The following FLVCR2 variants were observed in gnomAD, a reference collection of about 807,000 sequenced individuals.
FLVCR2 encodes choline/ethanolamine transporter FLVCR2.
In FLVCR2, 38 loss-of-function variants were observed where a neutral mutation model predicts 48.9. The observed-to-expected ratio is 0.78, with a 90% CI of 0.60 to 1.02. FLVCR2 has a LOEUF of 1.02. Ranked by LOEUF, FLVCR2 falls within the 50% of genes least tolerant of loss-of-function variation. FLVCR2 has a pLI of 0.00. For missense variants in FLVCR2, 664 were observed against 663.3 expected, an observed-to-expected ratio of 1.00 and a Z score of -0.01; for synonymous variants, 255 against 257.0, an observed-to-expected ratio of 0.99 and a Z score of 0.07.
intron 3 of FLVCR2, chr14:75,632,559 C>A (rs1402759468): frequency 2.9e-6 from 2 of 697,886 alleles, no homozygotes; most frequent in African/African-American, 3.5e-5. Context: ...GCACCTTAGC[C>A]ATCATCTGAA....
At chr14:75,627,989 A>G (rs1337461910) in intron 3 of FLVCR2, among the ~76,000 whole-genome samples, 1 of 152,258 alleles carries the variant, frequency 6.6e-6, no homozygotes, top group East Asian at 1.9e-4. Context: ...TTTATACATG[A>G]GGAAACTGAG....
At chr14:75,580,495 T>C (rs1444995220) in intron 1 of FLVCR2, among the ~76,000 whole-genome samples, 3 of 152,238 alleles carry the variant, frequency 2.0e-5, no homozygotes, top group African/African-American at 7.2e-5. Context: ...GGATTGGTAA[T>C]CCTGTCTCAC....
chr14:75,599,037 C>T (rs555073676), intron 1 of FLVCR2, among the ~76,000 whole-genome samples: 14 of 152,250 alleles, frequency 9.2e-5, no homozygotes, highest in Admixed American at 3.9e-4. Flanking sequence ...AGCTCCAGGC[C>T]CTCATTTTCC....
chr14:75,585,405 A>G (rs913849034), intron 1 of FLVCR2, among the ~76,000 whole-genome samples: 1 of 152,190 alleles, frequency 6.6e-6, no homozygotes, highest in Non-Finnish European at 1.5e-5. Context: ...ATTGCAGAAG[A>G]AAATAAGGCT....
At chr14:75,579,934 CT>C (rs1888554324) in intron 1 of FLVCR2, among the ~76,000 whole-genome samples, 1 of 152,238 alleles carries the variant, frequency 6.6e-6, no homozygotes, top group Non-Finnish European at 1.5e-5. Flanking sequence ...CAACTTAGAC[CT>C]GTAATTTCAG....
intron 1 of FLVCR2, among the ~76,000 whole-genome samples, chr14:75,597,698 T>A (rs2140014749): frequency 6.6e-6 from 1 of 152,182 alleles, no homozygotes; most frequent in South Asian, 2.1e-4. Flanking sequence ...GCCTCCTGAG[T>A]AGCTGGGATT....
intron 3 of FLVCR2, among the ~76,000 whole-genome samples, chr14:75,630,528 C>A (rs1049240880): frequency 6.6e-6 from 1 of 152,066 alleles, no homozygotes; most frequent in African/African-American, 2.4e-5. Flanking sequence ...TTAAGGAATT[C>A]TAATGTCAGT....
intron 1 of FLVCR2, 167 bp from the exon 2 acceptor site, chr14:75,621,912 C>A (rs1889776729): frequency 5.1e-6 from 4 of 791,986 alleles, no homozygotes; most frequent in South Asian, 1.4e-5. Flanking sequence ...AAATGTCAGT[C>A]AGAAGAAAGA....
At chr14:75,631,202 T>A (rs965466070) in intron 3 of FLVCR2, among the ~76,000 whole-genome samples, 18 of 152,190 alleles carry the variant, frequency 1.2e-4, no homozygotes, top group African/African-American at 4.3e-4. Flanking sequence ...CTCGCCGCCC[T>A]TTAGCCCCGC....
At position 75,633,889 on chromosome 14, in the gene FLVCR2, G is replaced by C. The variant is rs189794315; in HGVS notation, c.1020+193G>C. On this transcript the variant is annotated intron_variant, in intron 4 of 9. Transcript: ENST00000238667. The stretch of plus-strand genomic sequence containing the variant: ...TAGCTTTGGTGTTACTAAACTGTGT[G>C]ATGGCTTGACAGTGTGACAAGCTAG... 1.5e-3 allele frequency among the ~76,000 whole-genome samples: 222 copies of C among 152,014 alleles called. 1 individual carries two copies. Among genetic ancestry groups the C allele is most frequent in the Non-Finnish European group, 2.1e-4 (14 of 67,986 alleles).
intron 1 of FLVCR2, among the ~76,000 whole-genome samples, chr14:75,584,219 G>A (rs1285983022): frequency 1.3e-5 from 2 of 152,218 alleles, no homozygotes; most frequent in Non-Finnish European, 1.5e-5. Flanking sequence ...TGCTGGAGAC[G>A]TGGTTGTGGG....
At chr14:75,639,206 G>A (rs1890241838) in intron 5 of FLVCR2, 146 bp from the exon 6 acceptor site, 1 of 696,692 alleles carries the variant, frequency 1.4e-6, no homozygotes, top group South Asian at 1.5e-5. Flanking sequence ...GCAAGACACT[G>A]TCTCTGAAAA....
intron 1 of FLVCR2, among the ~76,000 whole-genome samples, chr14:75,599,806 T>C (rs1817706953): frequency 6.6e-6 from 1 of 152,230 alleles, no homozygotes; most frequent in Non-Finnish European, 1.5e-5. Flanking sequence ...TAAACCCTTG[T>C]GTATGTGGTC....
intron 5 of FLVCR2, among the ~76,000 whole-genome samples, chr14:75,636,991 A>G (rs1890180415): frequency 6.6e-6 from 1 of 152,222 alleles, no homozygotes; most frequent in African/African-American, 2.4e-5. Context: ...GAGGAGCGTG[A>G]AGGGAGGAGG....
chr14:75,610,318 A>T (rs960064323), intron 1 of FLVCR2, among the ~76,000 whole-genome samples: 1 of 152,228 alleles, frequency 6.6e-6, no homozygotes, highest in Non-Finnish European at 1.5e-5. Flanking sequence ...CACCATGAGG[A>T]CAACTTCAAG....
At chr14:75,621,910 G>A (rs1289928032) in intron 1 of FLVCR2, 169 bp from the exon 2 acceptor site, 1 of 786,124 alleles carries the variant, frequency 1.3e-6, no homozygotes, top group African/African-American at 1.7e-5. Flanking sequence ...CAAAATGTCA[G>A]TCAGAAGAAA....
rs554703800 is a variant in FLVCR2 at position 75,590,924 on chromosome 14, A to T, written c.669+11283A>T. On this transcript the variant is annotated intron_variant, in intron 1 of 9. Coordinates refer to ENST00000238667, the MANE Select transcript of FLVCR2 (RefSeq NM_017791.3). ...GAATAATACACTTGTTTCAGCATCA[A>T]CTCAAATGTCCAAAGTCCAAAACTG... 6.6e-5 allele frequency among the ~76,000 whole-genome samples: 10 copies of T among 152,334 alleles called. No homozygotes were observed. In the East Asian group the frequency reaches 1.9e-3, roughly 29 times the overall value.
Position 75,633,639 on chromosome 14 carries a change from T to C in FLVCR2, c.963T>C (p.Ala321=), listed in dbSNP as rs1042139499. 1 of 1,614,060 alleles carries C rather than the reference T, an allele frequency of 6.2e-7. No homozygotes were observed. Among genetic ancestry groups the C allele is most frequent in the Non-Finnish European group, 8.5e-7 (1 of 1,179,884 alleles). ...VLLVITYGLN[A]GAFYALSTLL... ...CGCTCCCTTCTTCAGGTCTGAATGCTGGTGCTTTTTATGCCTTGTCCACTC... is the reference window on the plus strand; with the variant it reads ...CGCTCCCTTCTTCAGGTCTGAATGCCGGTGCTTTTTATGCCTTGTCCACTC... Residue 321 remains alanine (A), a synonymous_variant, in exon 4 of 10, where the codon GCT becomes GCC. Coordinates refer to ENST00000238667, the MANE Select transcript of FLVCR2 (RefSeq NM_017791.3).
intron 8 of FLVCR2, 75 bp from the exon 9 acceptor site, chr14:75,641,768 A>G: frequency 7.4e-7 from 1 of 1,351,180 alleles, no homozygotes; most frequent in Non-Finnish European, 1.1e-6. Flanking sequence ...CCCTTAGGAA[A>G]TGAAGGTTTC....
Sources: allele counts gnomAD v4.1 joint callset (sites outside exome capture counted in the v4.1 genomes callset), GRCh38; gene constraint gnomAD v4.1.1; transcripts MANE v1.5; gene names NCBI Gene and HGNC (gene_info 2026-07-23, HGNC 2026-07-21).